Variants in ZNF365 observed in about 807,000 individuals in gnomAD.
ZNF365 encodes protein ZNF365.
Under a neutral mutation model 35.0 loss-of-function variants are expected in ZNF365, and 22 were observed. The ratio of observed to expected loss-of-function variants is 0.63; its 90% CI spans 0.45 to 0.90. The LOEUF (loss-of-function observed/expected upper bound fraction) is 0.90, where lower values mean the gene tolerates loss of function less well. Ranked by LOEUF, ZNF365 falls within the 40% of genes least tolerant of loss-of-function variation. The probability of loss-of-function intolerance (pLI) is 0.00; values close to 1 mark genes in which losing one functional copy is unlikely to be tolerated. For synonymous variants in ZNF365, 188 were observed against 196.2 expected (o/e 0.96, Z 0.35); for missense variants, 448 against 500.3 (o/e 0.90, Z 1.00).
At chr10:62,388,375 T>C in intron 2 of ZNF365, 21 bp from the exon 3 acceptor site, 4 of 1,613,988 alleles carry the variant, frequency 2.5e-6, no homozygotes, top group Non-Finnish European at 3.4e-6. Context: ...CCTTTTGTGT[T>C]CTGACATTTT....
intron 3 of ZNF365, among the ~76,000 whole-genome samples, chr10:62,451,555 G>C (rs1341099029): frequency 6.6e-6 from 1 of 152,194 alleles, no homozygotes; most frequent in Non-Finnish European, 1.5e-5. Flanking sequence ...CCTCTGGAGA[G>C]CTTTGAGACT....
intron 3 of ZNF365, among the ~76,000 whole-genome samples, chr10:62,443,455 A>G (rs1342583181): frequency 6.6e-6 from 1 of 152,064 alleles, no homozygotes; most frequent in Non-Finnish European, 1.5e-5. Context: ...TTGTGTTTAG[A>G]TGCTCTGGTT....
At chr10:62,419,509 A>AT (rs1840132840) in intron 3 of ZNF365, among the ~76,000 whole-genome samples, 1 of 151,380 alleles carries the variant, frequency 6.6e-6, no homozygotes, top group African/African-American at 2.4e-5. Context: ...AAAAAAAAAA[A>AT]GGACGGGGTG....
At chr10:62,462,848 G>C (rs138829541) in intron 4 of ZNF365, among the ~76,000 whole-genome samples, 5 of 152,258 alleles carry the variant, frequency 3.3e-5, no homozygotes, top group African/African-American at 1.2e-4. Context: ...TTCAAATATT[G>C]AATGCCTTGC....
At chr10:62,411,392 A>G (rs1839982786) in intron 3 of ZNF365, among the ~76,000 whole-genome samples, 1 of 152,042 alleles carries the variant, frequency 6.6e-6, no homozygotes, top group Non-Finnish European at 1.5e-5. Context: ...ATTTTCTCCT[A>G]GGGTTTTTAT....
intron 3 of ZNF365, among the ~76,000 whole-genome samples, chr10:62,391,218 G>A: frequency 6.6e-6 from 1 of 152,060 alleles, no homozygotes; most frequent in Admixed American, 6.5e-5. Flanking sequence ...TCTTTTTTAA[G>A]TTTTTTAAAT....
chr10:62,478,428 T>C (rs1841167147), intron 4 of ZNF365, among the ~76,000 whole-genome samples: 1 of 152,206 alleles, frequency 6.6e-6, no homozygotes, highest in Admixed American at 6.5e-5. Flanking sequence ...CTCTATCCTA[T>C]GGGAAGTCTT....
chr10:62,394,813 A>AT (rs1387181192), intron 3 of ZNF365, among the ~76,000 whole-genome samples: 2 of 152,158 alleles, frequency 1.3e-5, no homozygotes, highest in African/African-American at 4.8e-5. Context: ...CAATCTAGGA[A>AT]TTTCACTGCT....
intron 4 of ZNF365, chr10:62,479,760 C>G (rs1458348073): frequency 1.4e-6 from 1 of 726,658 alleles, no homozygotes; most frequent in African/African-American, 1.8e-5. Flanking sequence ...GAAGAGTTGC[C>G]AGTACAATTG....
intron 4 of ZNF365, among the ~76,000 whole-genome samples, chr10:62,465,807 G>A (rs539390486): frequency 6.8e-4 from 104 of 152,270 alleles, no homozygotes; most frequent in African/African-American, 2.4e-3. Context: ...GCTGTAACAC[G>A]TTCCTGGCTG....
intron 3 of ZNF365, among the ~76,000 whole-genome samples, chr10:62,438,435 G>A (rs986639391): frequency 6.6e-6 from 1 of 151,926 alleles, no homozygotes; most frequent in Non-Finnish European, 1.5e-5. Context: ...TGATACACCC[G>A]CGTTGGCCTC....
intron 2 of ZNF365, among the ~76,000 whole-genome samples, chr10:62,379,019 A>G (rs996233543): frequency 1.4e-5 from 2 of 141,754 alleles, no homozygotes; most frequent in Admixed American, 7.4e-5. Flanking sequence ...ATAAATTACG[A>G]GTTGATTTTT....
chr10:62,397,779 G>A (rs1839755912), intron 3 of ZNF365, among the ~76,000 whole-genome samples: 1 of 152,186 alleles, frequency 6.6e-6, no homozygotes, highest in Non-Finnish European at 1.5e-5. Context: ...TTTTATGTCA[G>A]TGTTCCCCTT....
At chr10:62,403,916 G>A (rs1469636668), downstream of ZNF365, among the ~76,000 whole-genome samples, 1 of 152,200 alleles carries the variant, frequency 6.6e-6, no homozygotes, top group African/African-American at 2.4e-5. Flanking sequence ...CCAAAAAGAA[G>A]CCCCGGAGCA....
chr10:62,412,208 C>T (rs1316323912), intron 3 of ZNF365, among the ~76,000 whole-genome samples: 1 of 152,088 alleles, frequency 6.6e-6, no homozygotes. Context: ...TCAATAGATG[C>T]AGAAAAGGCC....
Position 62,388,490 on chromosome 10 carries a change from CA to C in ZNF365, c.839del (p.Gln280ArgfsTer3). The C allele has an allele frequency of 6.2e-7, 1 of 1,614,186 alleles. No individual in the cohort carries two copies. The highest frequency in any genetic ancestry group is 8.5e-7 in the Non-Finnish European group (1 of 1,180,038). ...CCAGGACTTTATTGAGAATCTGTTA[CA>C]GCGGGTAGAACTGGCGGAGAAGCAG... is the stretch of plus-strand genomic sequence containing the variant. Reference protein sequence around the residue: ...RLQDFIENLLQRVELAEKQLE... With the variant: ...RLQDFIENLLXRVELAEKQLE... On this transcript the variant is annotated frameshift_variant, in exon 3 of 5. Transcript: ENST00000395254. LOFTEE classifies it high-confidence loss of function.
At chr10:62,406,441 TTC>T (rs1839906131), downstream of ZNF365, among the ~76,000 whole-genome samples, 1 of 152,158 alleles carries the variant, frequency 6.6e-6, no homozygotes. Flanking sequence ...TTCCCCACTG[TTC>T]TGTCATTTCC....
chr10:62,468,078 A>G (rs572142743), intron 4 of ZNF365, among the ~76,000 whole-genome samples: 1 of 152,316 alleles, frequency 6.6e-6, no homozygotes, highest in East Asian at 1.9e-4. Flanking sequence ...AATTCAGGTA[A>G]TGTACCTTTA....
At chr10:62,391,363 C>G (rs182258541) in intron 3 of ZNF365, among the ~76,000 whole-genome samples, 67 of 152,264 alleles carry the variant, frequency 4.4e-4, no homozygotes, top group African/African-American at 1.5e-3. Flanking sequence ...AGTTTGTAGT[C>G]TTTTATCTCT....
Sources: gnomAD v4.1 joint callset for allele counts (sites outside exome capture counted in the v4.1 genomes callset) on GRCh38, gnomAD v4.1.1 for gene constraint, MANE v1.5 for transcripts, NCBI Gene and HGNC (gene_info 2026-07-23, HGNC 2026-07-21) for gene names.